NCOA2: variants seen among roughly 807,000 people sequenced by gnomAD.
NCOA2 encodes class E basic helix-loop-helix protein 75.
Under a neutral mutation model 145.1 loss-of-function variants are expected in NCOA2, and 21 were observed. That is an observed-to-expected ratio of 0.14 (90% CI 0.10 to 0.21). The LOEUF is 0.21. Ranked by LOEUF, NCOA2 falls within the 10% of genes least tolerant of loss-of-function variation. NCOA2 has a pLI of 1.00. For missense variants in NCOA2, 1,472 were observed against 1,837.6 expected (o/e 0.80, Z 3.64); for synonymous variants, 619 against 637.5 (o/e 0.97, Z 0.44).
intron 4 of NCOA2, among the ~76,000 whole-genome samples, chr8:70,205,997 C>G (rs1056253608): frequency 6.6e-6 from 1 of 152,186 alleles, no homozygotes; most frequent in Non-Finnish European, 1.5e-5. Context: ...TCACCTCCCC[C>G]ACCCTCTGAC....
In NCOA2 at chr8:70,229,695, AC is replaced by A. The variant is rs777429330; in HGVS notation, c.-19-12932del. Among the ~76,000 whole-genome samples the A allele has an allele frequency of 3.4e-4, 52 of 152,016 alleles. No individual in the cohort carries two copies. In the South Asian group the frequency reaches 6.9e-3, roughly 20 times the overall value. ...ACTGCATCCTACCTGAGCCAGCACG[AC>A]CCCAGAACCATGCTTATCAAAGGGT... On this transcript the variant is annotated intron_variant, in intron 2 of 22. Transcript: ENST00000452400.
chr8:70,123,902 G>A lies in NCOA2; in HGVS notation c.4275C>T (p.Ser1425=). The A allele has an allele frequency of 1.2e-6, 2 of 1,612,906 alleles. No homozygotes were observed. Among genetic ancestry groups the A allele is most frequent in the African/African-American group, 1.3e-5 (1 of 75,052 alleles). ...SVTSVPTSGL[S]SMGPEQVNDP... ...CACTCACCTGCTCGGGACCCATGGA[G>A]GACAGCCCTGACGTAGGCACGGAGG... Residue 1425 remains serine, a synonymous_variant, in exon 21 of 23, where the codon TCC becomes TCT. Coordinates refer to ENST00000452400, the MANE Select transcript of NCOA2 (RefSeq NM_006540.4).
chr8:70,343,399 T>C (rs1808320877), intron 1 of NCOA2, among the ~76,000 whole-genome samples: 1 of 152,048 alleles, frequency 6.6e-6, no homozygotes, highest in African/African-American at 2.4e-5. Flanking sequence ...TCAGTGATTA[T>C]TTATAGCACT....
chr8:70,135,209 C>G (rs1809595503), intron 15 of NCOA2, among the ~76,000 whole-genome samples: 1 of 152,212 alleles, frequency 6.6e-6, no homozygotes, highest in Non-Finnish European at 1.5e-5. Flanking sequence ...TCTTCTCCAG[C>G]TGAGGGTCTA....
chr8:70,451,418 AAAAGGAGGAAAC>A, the NCOA2 span, among the ~76,000 whole-genome samples: 1 of 148,130 alleles, frequency 6.8e-6, no homozygotes, highest in Admixed American at 6.7e-5. Context: ...AAAAAAAAAA[AAAAGGAGGAAAC>A]AAAAAGAAAA....
intron 1 of NCOA2, among the ~76,000 whole-genome samples, chr8:70,360,971 TAA>T (rs1810147407): frequency 6.6e-6 from 1 of 150,778 alleles, no homozygotes; most frequent in African/African-American, 2.4e-5. Flanking sequence ...AAGTTACTTG[TAA>T]AATACTGATC....
intron 22 of NCOA2, among the ~76,000 whole-genome samples, chr8:70,114,712 A>G (rs772352396): frequency 6.3e-4 from 96 of 152,330 alleles, no homozygotes; most frequent in African/African-American, 2.2e-3. Flanking sequence ...TTTGGGAACA[A>G]TTGCTTCTGG....
intron 1 of NCOA2, among the ~76,000 whole-genome samples, chr8:70,401,226 CAA>C (rs1190706476): frequency 6.6e-6 from 1 of 152,140 alleles, no homozygotes; most frequent in Non-Finnish European, 1.5e-5. Context: ...TCCTAAAAGT[CAA>C]GAGTTGAGAA....
In NCOA2 at chr8:70,400,890, T is replaced by C. The variant is rs79156917; in HGVS notation, c.-77+2810A>G. Reference sequence around the variant, plus strand: ...ATAAAAGCTTGACTTATAGAAAAGATACACATTTTCCACATAAGATACCTA... The same window carrying C: ...ATAAAAGCTTGACTTATAGAAAAGACACACATTTTCCACATAAGATACCTA... On this transcript the variant is annotated intron_variant, in intron 1 of 22. Coordinates refer to ENST00000452400, the MANE Select transcript of NCOA2 (RefSeq NM_006540.4). Among the ~76,000 whole-genome samples the C allele has an allele frequency of 2.2e-3, 331 of 152,316 alleles. 2 individuals carry two copies. The East Asian group carries it at 0.045, about 21-fold the overall frequency.
chr8:70,210,613 C>T (rs1304783638), intron 4 of NCOA2, among the ~76,000 whole-genome samples: 1 of 152,200 alleles, frequency 6.6e-6, no homozygotes, highest in Non-Finnish European at 1.5e-5. Context: ...AAATTTCCAT[C>T]CTTTAGGCCA....
At chr8:70,152,977 C>A (rs568443690) in intron 11 of NCOA2, among the ~76,000 whole-genome samples, 1 of 152,250 alleles carries the variant, frequency 6.6e-6, no homozygotes, top group Admixed American at 6.5e-5. Flanking sequence ...ATAGGAGATA[C>A]AATTAACCTG....
At chr8:70,150,548 G>A (rs530270793) in intron 11 of NCOA2, among the ~76,000 whole-genome samples, 1 of 152,272 alleles carries the variant, frequency 6.6e-6, no homozygotes, top group South Asian at 2.1e-4. Flanking sequence ...CACTACGGCA[G>A]GTATTCATTG....
intron 1 of NCOA2, among the ~76,000 whole-genome samples, chr8:70,393,923 T>C (rs1277687215): frequency 6.6e-6 from 1 of 152,234 alleles, no homozygotes; most frequent in African/African-American, 2.4e-5. Flanking sequence ...TTGTTGTTGT[T>C]CACTGTCAGT....
intron 2 of NCOA2, among the ~76,000 whole-genome samples, chr8:70,281,743 G>A (rs1034840874): frequency 6.6e-6 from 1 of 152,134 alleles, no homozygotes; most frequent in Non-Finnish European, 1.5e-5. Flanking sequence ...CTCAAGAGCT[G>A]CTCACAGTAC....
intron 11 of NCOA2, among the ~76,000 whole-genome samples, chr8:70,152,035 C>T (rs907843188): frequency 1.3e-5 from 2 of 152,264 alleles, no homozygotes; most frequent in East Asian, 3.9e-4. Context: ...CTTTGTTAGG[C>T]ACAATTTCTT....
chr8:70,189,195 A>G (rs1332090447), intron 4 of NCOA2, among the ~76,000 whole-genome samples: 1 of 152,174 alleles, frequency 6.6e-6, no homozygotes, highest in Non-Finnish European at 1.5e-5. Flanking sequence ...AGAGCTGGCC[A>G]GGTTGAAGTG....
intron 4 of NCOA2, among the ~76,000 whole-genome samples, chr8:70,192,027 G>A (rs974821653): frequency 6.6e-6 from 1 of 152,168 alleles, no homozygotes; most frequent in African/African-American, 2.4e-5. Context: ...GGGCGAGAGA[G>A]TGAGAATCCG....
chr8:70,124,229 G>A, intron 20 of NCOA2, 147 bp from the exon 21 acceptor site: 1 of 724,540 alleles, frequency 1.4e-6, no homozygotes, highest in Non-Finnish European at 2.2e-6. Context: ...GGCAGGTGGT[G>A]GGCTTGCTGA....
intron 1 of NCOA2, among the ~76,000 whole-genome samples, chr8:70,362,412 A>T (rs184370016): frequency 1.3e-5 from 2 of 152,260 alleles, no homozygotes; most frequent in African/African-American, 4.8e-5. Flanking sequence ...CACAAGTCGC[A>T]TATCTGATAA....
Sources: gnomAD v4.1 joint callset for allele counts (sites outside exome capture counted in the v4.1 genomes callset) on GRCh38, gnomAD v4.1.1 for gene constraint, MANE v1.5 for transcripts, NCBI Gene and HGNC (gene_info 2026-07-23, HGNC 2026-07-21) for gene names.